CELF2: variants seen among roughly 807,000 people sequenced by gnomAD.
CELF2 encodes the protein CUG triplet repeat RNA-binding protein 2.
CELF2 carries 8 observed loss-of-function variants against 62.6 expected under a neutral mutation model. The observed-to-expected ratio is 0.13, with a 90% CI of 0.07 to 0.23. The LOEUF (loss-of-function observed/expected upper bound fraction) is 0.23, where lower values mean the gene tolerates loss of function less well. CELF2 is among the 10% of genes least tolerant of loss of function. The probability of loss-of-function intolerance (pLI) is 1.00; values close to 1 mark genes in which losing one functional copy is unlikely to be tolerated. For synonymous variants in CELF2, 258 were observed against 250.0 expected (o/e 1.03, Z -0.30); for missense variants, 333 against 671.0 (o/e 0.50, Z 5.56).
chr10:10,463,263 T>C, the CELF2 span, among the ~76,000 whole-genome samples: 11 of 152,178 alleles, frequency 7.2e-5, no homozygotes, highest in Non-Finnish European at 1.6e-4. Context: ...TCAACAAGTA[T>C]TTCTGTGTAT....
chr10:10,762,120 G>A, the CELF2 span, among the ~76,000 whole-genome samples: 1 of 152,142 alleles, frequency 6.6e-6, no homozygotes, highest in African/African-American at 2.4e-5. Flanking sequence ...GAGAGACAGA[G>A]AAGAGGTCCT....
intron 2 of CELF2, among the ~76,000 whole-genome samples, chr10:10,943,336 C>A (rs1268679480): frequency 4.6e-5 from 7 of 152,178 alleles, no homozygotes; most frequent in African/African-American, 1.7e-4. Flanking sequence ...AGAACTCCCA[C>A]ATGGGGCCAA....
the CELF2 span, among the ~76,000 whole-genome samples, chr10:10,746,631 C>A: frequency 6.6e-6 from 1 of 152,138 alleles, no homozygotes; most frequent in Admixed American, 6.5e-5. Context: ...GAACAGAAAC[C>A]AACATTGTGA....
the CELF2 span, among the ~76,000 whole-genome samples, chr10:10,514,914 G>T: frequency 6.6e-6 from 1 of 152,142 alleles, no homozygotes; most frequent in Non-Finnish European, 1.5e-5. Context: ...CAATCTTACC[G>T]TTCATCTTCT....
At chr10:10,861,973 T>C (rs1442049975) in intron 1 of CELF2, among the ~76,000 whole-genome samples, 1 of 152,154 alleles carries the variant, frequency 6.6e-6, no homozygotes, top group Non-Finnish European at 1.5e-5. Context: ...TGTGTCCAGC[T>C]CTCCAAAATG....
the CELF2 span, among the ~76,000 whole-genome samples, chr10:10,687,043 T>A: frequency 1.3e-5 from 2 of 152,194 alleles, no homozygotes; most frequent in Admixed American, 6.5e-5. Context: ...CATATGCTCC[T>A]TACCTGTTTC....
At chr10:11,308,458 C>T (rs2094387187) in intron 9 of CELF2, among the ~76,000 whole-genome samples, 1 of 152,140 alleles carries the variant, frequency 6.6e-6, no homozygotes, top group South Asian at 2.1e-4. Context: ...TTCTTTCCAT[C>T]CTTTAGATTG....
At chr10:10,694,204 A>G in the CELF2 span, among the ~76,000 whole-genome samples, 2 of 151,708 alleles carry the variant, frequency 1.3e-5, no homozygotes, top group Non-Finnish European at 2.9e-5. Context: ...AGATTCTGGT[A>G]TGTTGTGTCT....
the CELF2 span, among the ~76,000 whole-genome samples, chr10:10,625,177 T>TA: frequency 2.6e-5 from 4 of 150,966 alleles, no homozygotes; most frequent in Non-Finnish European, 6.0e-5. Context: ...AAATTTTCCC[T>TA]AACCATGTAG....
At chr10:11,233,150 C>T (rs2069494916) in intron 3 of CELF2, among the ~76,000 whole-genome samples, 1 of 152,196 alleles carries the variant, frequency 6.6e-6, no homozygotes, top group Non-Finnish European at 1.5e-5. Flanking sequence ...TCAGGCCCAA[C>T]ACTGATTTTT....
the CELF2 span, among the ~76,000 whole-genome samples, chr10:10,671,839 C>T: frequency 1.3e-5 from 2 of 152,016 alleles, no homozygotes; most frequent in Non-Finnish European, 2.9e-5. Context: ...AAGTGATTCT[C>T]CCACCTCAGC....
chr10:11,112,029 C>T (rs547064539), intron 1 of CELF2, among the ~76,000 whole-genome samples: 2 of 152,286 alleles, frequency 1.3e-5, no homozygotes, highest in African/African-American at 4.8e-5. Context: ...AATCTACTTA[C>T]TGGCTTATTT....
chr10:11,118,367 G>A (rs1595622758), intron 1 of CELF2, among the ~76,000 whole-genome samples: 2 of 151,980 alleles, frequency 1.3e-5, no homozygotes, highest in African/African-American at 4.8e-5. Context: ...GAGTCTTTTT[G>A]TGTTGCCCAG....
chr10:11,289,672 T>C (rs2092181881), intron 9 of CELF2, among the ~76,000 whole-genome samples: 1 of 152,218 alleles, frequency 6.6e-6, no homozygotes, highest in South Asian at 2.1e-4. Flanking sequence ...GTGTACAGTG[T>C]CTTCAAAAAC....
the CELF2 span, among the ~76,000 whole-genome samples, chr10:10,751,522 A>AC: frequency 6.6e-6 from 1 of 152,182 alleles, no homozygotes; most frequent in Non-Finnish European, 1.5e-5. Flanking sequence ...TTCCACCCAG[A>AC]TGGTGTTTTT....
rs531242544 is a variant in CELF2 at position 11,319,078 on chromosome 10, T to C, written c.1097-2111T>C. 5 of 470,428 alleles carry C rather than the reference T, an allele frequency of 1.1e-5. No homozygotes were observed. Among genetic ancestry groups the C allele is most frequent in the African/African-American group, 6.0e-5 (3 of 50,184 alleles). The allele number at this position is 470,428 out of a possible 1,614,324, so 29.1% of individuals were successfully genotyped here. ...GCTGCGAGGCACACCCAGAACCTCA[T>C]GCCTTGAGATCCAAGCAGAGCGGCG... On this transcript the variant is annotated intron_variant, in intron 10 of 12. Transcript: ENST00000633077. The surrounding 1 kb of genome is among the most constrained non-coding windows in gnomAD (Gnocchi z 4.4).
At chr10:11,060,103 G>A (rs1372301979) in intron 1 of CELF2, among the ~76,000 whole-genome samples, 2 of 152,342 alleles carry the variant, frequency 1.3e-5, no homozygotes, top group Admixed American at 1.3e-4. Context: ...TGTGAATGGA[G>A]ATTACAGTAT....
intron 1 of CELF2, chr10:11,097,258 A>G (rs1472935642): frequency 6.6e-6 from 1 of 152,250 alleles, no homozygotes; most frequent in Non-Finnish European, 1.5e-5. Flanking sequence ...GAGGTATTTC[A>G]TTGAACCATT....
At chr10:10,984,784 T>C (rs1341278360) in intron 2 of CELF2, among the ~76,000 whole-genome samples, 1 of 152,214 alleles carries the variant, frequency 6.6e-6, no homozygotes, top group East Asian at 1.9e-4. Flanking sequence ...TTTTAATATA[T>C]GAATATAAAT....
Sources: gnomAD v4.1 joint callset for allele counts (sites outside exome capture counted in the v4.1 genomes callset) on GRCh38, gnomAD v4.1.1 for gene constraint, Gnocchi (gnomAD v3.1) non-coding constraint, MANE v1.5 for transcripts, NCBI Gene and HGNC (gene_info 2026-07-23, HGNC 2026-07-21) for gene names.